The following PLA2G2C variants were observed in gnomAD, a reference collection of about 807,000 sequenced individuals.
PLA2G2C encodes the protein phospholipase A2 group IIC, also known as putative inactive group IIC secretory phospholipase A2.
Under a neutral mutation model 14.3 loss-of-function variants are expected in PLA2G2C, and 15 were observed. The observed-to-expected ratio is 1.05, with a 90% CI of 0.70 to 1.62. The LOEUF (loss-of-function observed/expected upper bound fraction) is 1.62, where lower values mean the gene tolerates loss of function less well. PLA2G2C is among the 40% of genes most tolerant of loss of function. PLA2G2C has a pLI of 0.00. For missense variants in PLA2G2C, 162 were observed against 173.2 expected, an observed-to-expected ratio of 0.94 and a Z score of 0.36; for synonymous variants, 79 against 67.7, an observed-to-expected ratio of 1.17 and a Z score of -0.82.
chr1:20,168,306 T>C (rs1339161416), intron 4 of PLA2G2C, among the ~76,000 whole-genome samples: 2 of 152,314 alleles, frequency 1.3e-5, no homozygotes, highest in East Asian at 3.9e-4. Context: ...AAGTATTGAG[T>C]TCCCAACATG....
intron 4 of PLA2G2C, among the ~76,000 whole-genome samples, chr1:20,164,964 G>A (rs2017951095): frequency 1.3e-5 from 2 of 152,224 alleles, no homozygotes; most frequent in Non-Finnish European, 2.9e-5. Context: ...TTCTCAAACT[G>A]TAACCCGAGT....
chr1:20,181,749 A>G (rs1229964458), intron 1 of PLA2G2C, among the ~76,000 whole-genome samples: 3 of 152,230 alleles, frequency 2.0e-5, no homozygotes, highest in Admixed American at 6.5e-5. Flanking sequence ...GCGATAATCA[A>G]CGAAGCCTAG....
chr1:20,173,095 G>C (rs937692394), intron 3 of PLA2G2C, among the ~76,000 whole-genome samples, 198 bp from the exon 4 acceptor site: 1 of 151,638 alleles, frequency 6.6e-6, no homozygotes, highest in African/African-American at 2.4e-5. Context: ...GATCGCTTCA[G>C]TCCAGGAGTT....
At chr1:20,182,280 A>G (rs1439330606) in intron 1 of PLA2G2C, among the ~76,000 whole-genome samples, 1 of 152,222 alleles carries the variant, frequency 6.6e-6, no homozygotes, top group Non-Finnish European at 1.5e-5. Context: ...CTATATAGGC[A>G]TACCATTTTT....
At chr1:20,184,080 TAC>T (rs946189792) in intron 1 of PLA2G2C, among the ~76,000 whole-genome samples, 2 of 152,204 alleles carry the variant, frequency 1.3e-5, no homozygotes, top group Non-Finnish European at 2.9e-5. Context: ...GGCTGGGCAT[TAC>T]ACAACACTGG....
intron 4 of PLA2G2C, among the ~76,000 whole-genome samples, chr1:20,171,224 C>T (rs1468869428): frequency 6.6e-6 from 1 of 151,708 alleles, no homozygotes; most frequent in Non-Finnish European, 1.5e-5. Flanking sequence ...TGATCCCTTC[C>T]CCTCTCCTGA....
Position 20,175,090 on chromosome 1 carries a change from C to T in PLA2G2C, c.96G>A (p.Gly32=), listed in dbSNP as rs770855516. ...QFQRRVKHIT[G]RSAFFSYYGY... ...CGTAATATGAGAAGAAGGCACTTCG[C>T]CCCGTGATGTGTTTGACCCTCCTCT... Residue 32 remains glycine, a synonymous_variant, in exon 3 of 5, where the codon GGG becomes GGA. Transcript: ENST00000679259. 6 of 1,613,790 alleles carry T rather than the reference C, an allele frequency of 3.7e-6. No individual in the cohort carries two copies. Among genetic ancestry groups the T allele is most frequent in the Non-Finnish European group, 5.1e-6 (6 of 1,179,846 alleles).
Position 20,172,835 on chromosome 1 carries a change from A to C in PLA2G2C, c.242T>G (p.Leu81Trp). 6.2e-7 allele frequency: 1 copy of C among 1,613,928 alleles called. No homozygotes were observed. The highest frequency in any genetic ancestry group is 8.5e-7 in the Non-Finnish European group (1 of 1,179,856). The change falls in exon 4 of 5, where the codon TTG becomes TGG. Residue 81 changes from leucine (L) to tryptophan (W), a missense_variant. Leu to Trp is a moderately conservative substitution (Grantham distance 61). Coordinates refer to ENST00000679259, the MANE Select transcript of PLA2G2C (RefSeq NM_001367969.2). ...GACGATGTGGAACTGGTAGCTGTTC[A>C]ACACAGGCTGGCAGCTGAACTCCTT... ...KLKEFSCQPV[L>W]NSYQFHIVNG...
At chr1:20,176,909 A>G (rs1453062821) in intron 2 of PLA2G2C, among the ~76,000 whole-genome samples, 1 of 152,230 alleles carries the variant, frequency 6.6e-6, no homozygotes, top group East Asian at 1.9e-4. Flanking sequence ...CAATTATCCC[A>G]TAAGTCACCA....
At chr1:20,179,978 C>G (rs115294155) in intron 1 of PLA2G2C, among the ~76,000 whole-genome samples, 1,689 of 150,882 alleles carry the variant, frequency 0.011, 28 homozygotes, top group African/African-American at 0.036. Context: ...CAGTTTCTCT[C>G]TGTGTGTGTG....
chr1:20,184,048 C>T (rs1052293965), intron 1 of PLA2G2C, among the ~76,000 whole-genome samples: 1 of 152,222 alleles, frequency 6.6e-6, no homozygotes, highest in Non-Finnish European at 1.5e-5. Context: ...CCTTCCTTTC[C>T]TCCTCTCCTG....
chr1:20,179,217 T>A (rs2018236934), intron 1 of PLA2G2C, among the ~76,000 whole-genome samples: 1 of 149,042 alleles, frequency 6.7e-6, no homozygotes, highest in Non-Finnish European at 1.5e-5. Flanking sequence ...TTTCTCTGTG[T>A]GTGTGTGTGT....
At chr1:20,177,792 C>T (rs1157330690) in intron 1 of PLA2G2C, among the ~76,000 whole-genome samples, 1 of 152,232 alleles carries the variant, frequency 6.6e-6, no homozygotes, top group Middle Eastern at 3.4e-3. Flanking sequence ...ACAGGAATTC[C>T]TAGCTTGGTT....
chr1:20,178,908 A>G (rs2018231969), intron 1 of PLA2G2C, among the ~76,000 whole-genome samples: 1 of 152,212 alleles, frequency 6.6e-6, no homozygotes. Flanking sequence ...GTTCTCCATT[A>G]GTTCTCGAAT....
chr1:20,178,954 C>A (rs1395834676), intron 1 of PLA2G2C, among the ~76,000 whole-genome samples: 4 of 152,246 alleles, frequency 2.6e-5, no homozygotes, highest in Middle Eastern at 3.2e-3. Context: ...CTCTTCAGGG[C>A]TGGGGTACCA....
rs1473727551 is a variant in PLA2G2C at position 20,186,369 on chromosome 1, A to T, written c.-86T>A. 6.6e-6 allele frequency: 1 copy of T among 152,160 alleles called. No homozygotes were observed. Among genetic ancestry groups the T allele is most frequent in the Non-Finnish European group, 1.5e-5 (1 of 68,038 alleles). The allele number at this position is 152,160 out of a possible 1,614,324, so 9.4% of individuals were successfully genotyped here. A position where few individuals can be genotyped will look rare whatever the true frequency, so the allele number is the denominator to read the frequency against. On this transcript the variant is annotated 5_prime_UTR_variant, in exon 1 of 5. Coordinates refer to ENST00000679259, the MANE Select transcript of PLA2G2C (RefSeq NM_001367969.2). Reference sequence around the variant, plus strand: ...CCTGGCCAGAGCTCACCTTTACCAAAATAGGGTGACTCCCGGGCTCTGCAG... The same window carrying T: ...CCTGGCCAGAGCTCACCTTTACCAATATAGGGTGACTCCCGGGCTCTGCAG...
chr1:20,172,081 T>C (rs942916476), intron 4 of PLA2G2C, among the ~76,000 whole-genome samples: 1 of 152,082 alleles, frequency 6.6e-6, no homozygotes, highest in Non-Finnish European at 1.5e-5. Flanking sequence ...ACTTCTTTAT[T>C]TGTTGCTCTT....
intron 4 of PLA2G2C, among the ~76,000 whole-genome samples, chr1:20,171,767 T>G (rs540528944): frequency 6.8e-6 from 1 of 147,336 alleles, no homozygotes; most frequent in Admixed American, 6.7e-5. Context: ...TCTTTTTTTT[T>G]TTTTTTTTTT....
At chr1:20,174,902 T>C (rs1191886494) in intron 3 of PLA2G2C, 105 bp downstream of exon 3, 3 of 1,185,852 alleles carry the variant, frequency 2.5e-6, no homozygotes, top group Non-Finnish European at 3.5e-6. Flanking sequence ...CCTGAGTTGT[T>C]TTCTGTTATT....
Sources: gnomAD v4.1 joint callset for allele counts (sites outside exome capture counted in the v4.1 genomes callset) on GRCh38, gnomAD v4.1.1 for gene constraint, MANE v1.5 for transcripts, NCBI Gene and HGNC (gene_info 2026-07-23, HGNC 2026-07-21) for gene names.